The following RBPJ variants were observed in gnomAD, a reference collection of about 807,000 sequenced individuals.
RBPJ encodes the protein recombining binding protein suppressor of hairless.
Under a neutral mutation model 67.8 loss-of-function variants are expected in RBPJ, and 9 were observed. The observed-to-expected ratio is 0.13, with a 90% CI of 0.08 to 0.23. RBPJ has a LOEUF of 0.23. Ranked by LOEUF, RBPJ falls within the 10% of genes least tolerant of loss-of-function variation. The pLI is 1.00. For synonymous variants in RBPJ, 198 were observed against 203.3 expected (o/e 0.97, Z 0.22); for missense variants, 305 against 595.6 (o/e 0.51, Z 5.08).
At chr4:26,299,977 G>A (rs1406705103) in intron 1 of RBPJ, among the ~76,000 whole-genome samples, 4 of 152,128 alleles carry the variant, frequency 2.6e-5, no homozygotes, top group South Asian at 2.1e-4. Flanking sequence ...GAGCCACCGC[G>A]CCTGGCCCAG....
At chr4:26,184,690 A>AG (rs1157637502) in intron 1 of RBPJ, among the ~76,000 whole-genome samples, 1 of 152,132 alleles carries the variant, frequency 6.6e-6, no homozygotes, top group East Asian at 1.9e-4. Context: ...TTGGAGTGGG[A>AG]GGCCAAGTCC....
chr4:26,357,425 A>T (rs1403421677), intron 1 of RBPJ, among the ~76,000 whole-genome samples: 2 of 152,210 alleles, frequency 1.3e-5, no homozygotes, highest in African/African-American at 4.8e-5. Context: ...GAGGATGAGT[A>T]GTGCCACTTA....
At chr4:26,384,877 C>T (rs1200452098) in intron 1 of RBPJ, among the ~76,000 whole-genome samples, 1 of 47,852 alleles carries the variant, frequency 2.1e-5, no homozygotes, top group African/African-American at 1.0e-4. Flanking sequence ...TCCCGCCTCT[C>T]GCCTCTCCCC....
At chr4:26,290,442 T>C (rs894649788) in intron 1 of RBPJ, among the ~76,000 whole-genome samples, 22 of 150,092 alleles carry the variant, frequency 1.5e-4, no homozygotes, top group African/African-American at 5.4e-4. Context: ...CTTGTCCCAG[T>C]AGAGAGCCAG....
intron 1 of RBPJ, among the ~76,000 whole-genome samples, chr4:26,287,575 AAAGGACAGGAGAGGAGAGGGGAGGG>A (rs1721511855): frequency 2.7e-5 from 1 of 37,496 alleles, no homozygotes. Context: ...AAAGGAAAGG[AAAGGACAGGAGAGGAGAGGGGAGGG>A]GAGGGGAGGG....
upstream of RBPJ, chr4:26,319,939 G>A (rs748084618): frequency 7.2e-6 from 11 of 1,517,772 alleles, no homozygotes; most frequent in Non-Finnish European, 9.0e-6. Flanking sequence ...TTCCATGCCC[G>A]GTGGGGCCAG....
At chr4:26,342,938 TTC>T (rs976853010) in intron 1 of RBPJ, among the ~76,000 whole-genome samples, 1 of 152,212 alleles carries the variant, frequency 6.6e-6, no homozygotes, top group African/African-American at 2.4e-5. Flanking sequence ...CATCCATTCT[TTC>T]TATTATACTG....
the RBPJ span, among the ~76,000 whole-genome samples, chr4:26,107,931 C>T: frequency 6.6e-6 from 1 of 152,136 alleles, no homozygotes; most frequent in Non-Finnish European, 1.5e-5. Context: ...TTGGTTCTTT[C>T]TCCTCCTTGG....
At chr4:26,283,417 T>C (rs1237280050) in intron 1 of RBPJ, among the ~76,000 whole-genome samples, 2 of 150,920 alleles carry the variant, frequency 1.3e-5, no homozygotes, top group Admixed American at 1.3e-4. Context: ...TGGTGGCAAG[T>C]GCCTGTAATC....
At chr4:26,429,264 T>C (rs755032359) in intron 8 of RBPJ, among the ~76,000 whole-genome samples, 7 of 152,246 alleles carry the variant, frequency 4.6e-5, no homozygotes, top group Admixed American at 1.3e-4. Flanking sequence ...TTTCCGAAGA[T>C]AGTAATGATG....
intron 2 of RBPJ, among the ~76,000 whole-genome samples, chr4:26,403,631 C>T (rs183726982): frequency 6.6e-6 from 1 of 152,204 alleles, no homozygotes; most frequent in Non-Finnish European, 1.5e-5. Flanking sequence ...TGAGAACATG[C>T]GATATTTGTT....
At chr4:26,257,539 GA>G (rs1329609648) in intron 1 of RBPJ, among the ~76,000 whole-genome samples, 1 of 152,210 alleles carries the variant, frequency 6.6e-6, no homozygotes, top group Non-Finnish European at 1.5e-5. Flanking sequence ...TGAGGCAGGA[GA>G]ATCACTTGAA....
intron 2 of RBPJ, among the ~76,000 whole-genome samples, chr4:26,401,397 A>G (rs1015000134): frequency 2.6e-5 from 4 of 152,236 alleles, no homozygotes; most frequent in Non-Finnish European, 1.5e-5. Flanking sequence ...ACCTCTACCC[A>G]GTTTCTAAAA....
chr4:26,386,388 C>G lies in RBPJ; in HGVS notation c.56C>G (p.Thr19Ser), dbSNP rs114396748. 2 of 1,592,162 alleles carry G rather than the reference C, an allele frequency of 1.3e-6. No individual in the cohort carries two copies. The highest frequency in any genetic ancestry group is 1.7e-6 in the Non-Finnish European group (2 of 1,167,752). Reference sequence around the variant, plus strand: ...GAGCGGCCTCCACCTAAACGACTTACTAGGTGAGTATTATATTAGTCAGCT... The same window carrying G: ...GAGCGGCCTCCACCTAAACGACTTAGTAGGTGAGTATTATATTAGTCAGCT... Reference protein sequence around the residue: ...FGERPPPKRLTREAMRNYLKE... With the variant: ...FGERPPPKRLSREAMRNYLKE... Residue 19 changes from threonine to serine, a missense_variant, in exon 2 of 11, where the codon ACT becomes AGT. This residue lies in a region of RBPJ where 42 missense variants were observed against 43.6 expected (regional missense o/e 0.96). Transcript: ENST00000355476.
At chr4:26,318,894 G>C (rs917490221), upstream of RBPJ, among the ~76,000 whole-genome samples, 2 of 150,810 alleles carry the variant, frequency 1.3e-5, 1 homozygote, top group South Asian at 4.2e-4. Flanking sequence ...CTACTCAGGA[G>C]GCTGCGGCAG....
upstream of RBPJ, among the ~76,000 whole-genome samples, chr4:26,317,020 C>A (rs900021114): frequency 6.6e-6 from 1 of 151,108 alleles, no homozygotes; most frequent in Non-Finnish European, 1.5e-5. Flanking sequence ...ATTCATTCTA[C>A]AAATATAATA....
chr4:26,144,212 T>G, the RBPJ span, among the ~76,000 whole-genome samples: 1 of 54,416 alleles, frequency 1.8e-5, no homozygotes, highest in South Asian at 5.3e-4. Context: ...CAATGATTTA[T>G]TTGTTTCAAT....
chr4:26,373,820 G>GTGTCTTTA (rs1366728918), intron 1 of RBPJ, among the ~76,000 whole-genome samples: 1 of 151,820 alleles, frequency 6.6e-6, no homozygotes, highest in Non-Finnish European at 1.5e-5. Flanking sequence ...GCACACACAA[G>GTGTCTTTA]TGTCTTTATG....
At position 26,213,337 on chromosome 4, in the gene RBPJ, CT is replaced by C. The variant is rs1258072016; in HGVS notation, c.-167+49724del. Among the ~76,000 whole-genome samples, 3 of 152,136 alleles carry C rather than the reference CT, an allele frequency of 2.0e-5. No individual in the cohort carries two copies. In the East Asian group the frequency reaches 5.8e-4, roughly 29 times the overall value. On this transcript the variant is annotated intron_variant, in intron 1 of 4. Coordinates refer to the RBPJ transcript ENST00000512351. ...ATCCCCCAAATTTCACACCAAAGTCCTCTGTGTTCATTGTTATAATTCAAGG... is the reference window on the plus strand; with the variant it reads ...ATCCCCCAAATTTCACACCAAAGTCCCTGTGTTCATTGTTATAATTCAAGG...
Sources: gnomAD v4.1 joint callset for allele counts (sites outside exome capture counted in the v4.1 genomes callset) on GRCh38, gnomAD v4.1.1 for gene constraint, gnomAD v4.1.1 regional missense constraint, MANE v1.5 for transcripts, NCBI Gene and HGNC (gene_info 2026-07-23, HGNC 2026-07-21) for gene names.